FOXP1: variants seen among roughly 807,000 people sequenced by gnomAD.
The protein encoded by FOXP1 is forkhead box P1.
Under a neutral mutation model 98.2 loss-of-function variants are expected in FOXP1, and 15 were observed. The ratio of observed to expected loss-of-function variants is 0.15; its 90% CI spans 0.10 to 0.24. The LOEUF (loss-of-function observed/expected upper bound fraction) is 0.24. FOXP1 is among the 10% of genes least tolerant of loss of function. The probability of loss-of-function intolerance (pLI) is 1.00; values close to 1 mark genes in which losing one functional copy is unlikely to be tolerated. For missense variants in FOXP1, 633 were observed against 848.5 expected (o/e 0.75, Z 3.15); for synonymous variants, 371 against 314.5 (o/e 1.18, Z -1.90).
chr3:71,097,138 T>C (rs922450194), intron 7 of FOXP1, among the ~76,000 whole-genome samples: 2 of 152,162 alleles, frequency 1.3e-5, no homozygotes, highest in Admixed American at 6.5e-5. Context: ...TATCCAGTCA[T>C]CTAAAGCACA....
At chr3:70,973,214 C>CG (rs574467329) in intron 17 of FOXP1, among the ~76,000 whole-genome samples, 46 of 151,762 alleles carry the variant, frequency 3.0e-4, no homozygotes, top group African/African-American at 1.0e-3. Flanking sequence ...GTCAAAGGAT[C>CG]GGGGGGTGGT....
chr3:71,427,149 T>C (rs2084237140), intron 3 of FOXP1, among the ~76,000 whole-genome samples: 1 of 152,128 alleles, frequency 6.6e-6, no homozygotes, highest in Admixed American at 6.5e-5. Flanking sequence ...TATTTATTAT[T>C]TGACTCTTCC....
chr3:71,053,481 T>C (rs1164393940), intron 8 of FOXP1, among the ~76,000 whole-genome samples, 155 bp downstream of exon 8: 1 of 152,098 alleles, frequency 6.6e-6, no homozygotes, highest in East Asian at 1.9e-4. Flanking sequence ...AGCACATCGA[T>C]TATTCAGGGA....
intron 14 of FOXP1, among the ~76,000 whole-genome samples, chr3:70,978,502 C>T (rs1167318485): frequency 3.9e-5 from 6 of 152,062 alleles, no homozygotes; most frequent in African/African-American, 1.4e-4. Flanking sequence ...TATGCTAGCA[C>T]AACCAAAGAG....
chr3:71,267,124 A>AGAGAGAGTGTGT (rs142661368), intron 5 of FOXP1, among the ~76,000 whole-genome samples: 20 of 148,410 alleles, frequency 1.3e-4, no homozygotes, highest in South Asian at 6.4e-4. Context: ...TATGGGAGAG[A>AGAGAGAGTGTGT]GTGTGTGTGT....
intron 18 of FOXP1, 68 bp downstream of exon 18, chr3:70,972,487 A>C: frequency 6.2e-7 from 1 of 1,605,160 alleles, no homozygotes; most frequent in South Asian, 1.1e-5. Flanking sequence ...CTAGCAGCCA[A>C]AGCCTCTACG....
At chr3:71,527,507 A>AAAAGCTC (rs934357289) in intron 2 of FOXP1, among the ~76,000 whole-genome samples, 3 of 152,178 alleles carry the variant, frequency 2.0e-5, no homozygotes, top group Non-Finnish European at 4.4e-5. Flanking sequence ...CTCTCACCCA[A>AAAAGCTC]AAAGCTCAGA....
chr3:71,477,176 G>T (rs2089923030), intron 3 of FOXP1, among the ~76,000 whole-genome samples: 1 of 152,124 alleles, frequency 6.6e-6, no homozygotes, highest in Non-Finnish European at 1.5e-5. Context: ...CCCCCCAGAA[G>T]ATCCACCAAA....
At chr3:71,477,740 C>A (rs1205439808) in intron 3 of FOXP1, among the ~76,000 whole-genome samples, 1 of 152,104 alleles carries the variant, frequency 6.6e-6, no homozygotes, top group Non-Finnish European at 1.5e-5. Context: ...TGACTGAAAT[C>A]CTGTCAGATT....
rs548576867 is a variant in FOXP1, at chr3:71,188,398, T to C, written c.180+9804A>G. 2.0e-5 allele frequency among the ~76,000 whole-genome samples: 3 copies of C among 151,542 alleles called. No homozygotes were observed. In the East Asian group the frequency reaches 5.8e-4, roughly 29 times the overall value. On this transcript the variant is annotated intron_variant, in intron 6 of 20. Transcript: ENST00000649528. ...AGGATCAGTGGATGCTTTGCCTCTT[T>C]TTTTCTTTATTTTTTTTTTCCTTTT...
intron 11 of FOXP1, among the ~76,000 whole-genome samples, chr3:71,020,709 A>T (rs939590593): frequency 1.3e-5 from 2 of 152,154 alleles, no homozygotes; most frequent in African/African-American, 2.4e-5. Flanking sequence ...CCTTCACCTG[A>T]AGGCAGATTC....
At chr3:71,179,728 CAAGA>C (rs1266647518) in intron 6 of FOXP1, among the ~76,000 whole-genome samples, 1 of 152,120 alleles carries the variant, frequency 6.6e-6, no homozygotes, top group East Asian at 1.9e-4. Context: ...ATGATTTTTA[CAAGA>C]AAGGGAAAAC....
chr3:71,472,500 G>A (rs576688230), intron 3 of FOXP1, among the ~76,000 whole-genome samples: 21 of 151,124 alleles, frequency 1.4e-4, no homozygotes, highest in African/African-American at 4.4e-4. Flanking sequence ...TTTGGGTGTC[G>A]GTTCCACTTG....
chr3:71,021,726 A>G (rs1413832245), intron 11 of FOXP1, among the ~76,000 whole-genome samples: 1 of 152,172 alleles, frequency 6.6e-6, no homozygotes, highest in Non-Finnish European at 1.5e-5. Context: ...CCTCACAGCT[A>G]GGAAATGGTA....
At chr3:70,972,162 G>T in intron 18 of FOXP1, 1 of 1,528,946 alleles carries the variant, frequency 6.5e-7, no homozygotes, top group South Asian at 1.2e-5. Flanking sequence ...TGCAGTGAGA[G>T]GTTGGTGCGA....
At chr3:71,296,332 T>A (rs1361786743) in intron 5 of FOXP1, 1 of 152,246 alleles carries the variant, frequency 6.6e-6, no homozygotes, top group Non-Finnish European at 1.5e-5. Context: ...CATTGCTGGA[T>A]GGCAAGGTCT....
intron 6 of FOXP1, among the ~76,000 whole-genome samples, chr3:71,166,845 C>G (rs1276738579): frequency 2.0e-5 from 3 of 151,896 alleles, no homozygotes; most frequent in African/African-American, 7.3e-5. Flanking sequence ...GTGTGTGTGT[C>G]TACATATATA....
chr3:71,400,930 G>C (rs1577317667), intron 3 of FOXP1, among the ~76,000 whole-genome samples: 1 of 152,180 alleles, frequency 6.6e-6, no homozygotes, highest in East Asian at 1.9e-4. Context: ...ATAAGGAGGA[G>C]GGAAGTCTAC....
chr3:71,015,886 T>C (rs543450686), intron 11 of FOXP1, among the ~76,000 whole-genome samples: 19 of 152,330 alleles, frequency 1.2e-4, no homozygotes, highest in African/African-American at 4.3e-4. Flanking sequence ...CATCTATGTA[T>C]GAAAAAGTGT....
Sources: allele counts gnomAD v4.1 joint callset (sites outside exome capture counted in the v4.1 genomes callset), GRCh38; gene constraint gnomAD v4.1.1; transcripts MANE v1.5; gene names NCBI Gene and HGNC (gene_info 2026-07-23, HGNC 2026-07-21).